GRIN2A: variants seen among roughly 807,000 people sequenced by gnomAD.
GRIN2A encodes the protein glutamate receptor ionotropic, NMDA 2A.
In GRIN2A, 22 loss-of-function variants were observed where a neutral mutation model predicts 113.4. That is an observed-to-expected ratio of 0.19 (90% CI 0.14 to 0.28). The LOEUF is 0.28. GRIN2A is among the 10% of genes least tolerant of loss of function. The pLI is 1.00. For missense variants in GRIN2A, 1,502 were observed against 1,887.0 expected, an observed-to-expected ratio of 0.80 and a Z score of 3.78; for synonymous variants, 827 against 738.4, an observed-to-expected ratio of 1.12 and a Z score of -1.94.
At chr16:10,014,931 A>G (rs837692) in intron 2 of GRIN2A, among the ~76,000 whole-genome samples, 86,811 of 151,970 alleles carry the variant, frequency 0.57, 25,081 homozygotes, top group Middle Eastern at 0.65. Context: ...AAGCAGGAGG[A>G]CATTAGAAGG....
chr16:10,145,063 T>G (rs1393686905), intron 2 of GRIN2A, among the ~76,000 whole-genome samples: 1 of 150,406 alleles, frequency 6.6e-6, no homozygotes, highest in African/African-American at 2.4e-5. Flanking sequence ...ACCATTCTGC[T>G]ATGTGAAATA....
chr16:9,943,895 A>G (rs763860870), intron 2 of GRIN2A, among the ~76,000 whole-genome samples: 1 of 152,202 alleles, frequency 6.6e-6, no homozygotes, highest in Non-Finnish European at 1.5e-5. Context: ...AAGCTGATTT[A>G]TTAGTTTTTC....
chr16:9,899,176 C>T (rs948046750), intron 3 of GRIN2A, among the ~76,000 whole-genome samples: 1 of 152,064 alleles, frequency 6.6e-6, no homozygotes, highest in African/African-American at 2.4e-5. Flanking sequence ...CGGTGGCTCG[C>T]ACCTGTAATC....
At position 10,180,117 on chromosome 16, in the gene GRIN2A, C is replaced by T. The variant is rs773569899; in HGVS notation, c.295G>A (p.Val99Met). ...LMSGARIHGL[V>M]FGDDTDQEAV... ...TCCTGGTCCGTGTCGTCCCCAAACA[C>T]GAGGCCGTGGATGCGTGCCCCGGAC... Residue 99 changes from valine to methionine, a missense_variant, in exon 2 of 13, where the codon GTG becomes ATG. This residue lies in a region of GRIN2A where 149 missense variants were observed against 179.1 expected (regional missense o/e 0.83). Coordinates refer to ENST00000330684, the MANE Select transcript of GRIN2A (RefSeq NM_001134407.3). The surrounding 1 kb of genome is among the most constrained non-coding windows in gnomAD (Gnocchi z 7.0). 4 of 1,614,102 alleles carry T rather than the reference C, an allele frequency of 2.5e-6. No homozygotes were observed. In the African/African-American group the frequency reaches 4.0e-5, roughly 16 times the overall value.
chr16:9,914,997 C>A (rs1384921632), intron 3 of GRIN2A, among the ~76,000 whole-genome samples: 1 of 125,972 alleles, frequency 7.9e-6, no homozygotes, highest in East Asian at 2.6e-4. Context: ...AGTGCAGTGG[C>A]GCGATCTCGT....
intron 2 of GRIN2A, among the ~76,000 whole-genome samples, chr16:9,953,495 T>C (rs900883574): frequency 1.3e-5 from 2 of 152,120 alleles, no homozygotes; most frequent in African/African-American, 2.4e-5. Flanking sequence ...GAAACCTCCC[T>C]GCAGGGAGTC....
chr16:10,130,775 T>C (rs952204076), intron 2 of GRIN2A, among the ~76,000 whole-genome samples: 3 of 152,166 alleles, frequency 2.0e-5, no homozygotes, highest in Admixed American at 6.6e-5. Flanking sequence ...ATGTCTTCAT[T>C]AAGGGAGTTC....
intron 11 of GRIN2A, among the ~76,000 whole-genome samples, chr16:9,783,904 G>A (rs1038092217): frequency 1.3e-5 from 2 of 152,150 alleles, no homozygotes; most frequent in African/African-American, 4.8e-5. Flanking sequence ...TCACTTTCAA[G>A]GGAGAGCTAA....
At chr16:9,915,753 T>G (rs2044236725) in intron 3 of GRIN2A, among the ~76,000 whole-genome samples, 1 of 152,242 alleles carries the variant, frequency 6.6e-6, no homozygotes. Flanking sequence ...CTCTGCAACT[T>G]GCTACTTATA....
At chr16:10,043,757 C>G (rs538350488) in intron 2 of GRIN2A, among the ~76,000 whole-genome samples, 3 of 152,060 alleles carry the variant, frequency 2.0e-5, no homozygotes, top group Non-Finnish European at 2.9e-5. Context: ...TTCTTAAGGT[C>G]AAACTCCTGT....
chr16:10,073,932 A>AC (rs1473934561), intron 2 of GRIN2A, among the ~76,000 whole-genome samples: 3 of 151,806 alleles, frequency 2.0e-5, no homozygotes, highest in Non-Finnish European at 2.9e-5. Flanking sequence ...AAAAAAAAAA[A>AC]AACGAAGTGA....
intron 2 of GRIN2A, among the ~76,000 whole-genome samples, chr16:10,113,597 G>A (rs914620285): frequency 2.0e-5 from 3 of 152,196 alleles, no homozygotes; most frequent in Admixed American, 6.5e-5. Context: ...TAAAAATTAT[G>A]CTTACAGAGA....
At chr16:9,787,427 C>G (rs1824217231) in intron 11 of GRIN2A, among the ~76,000 whole-genome samples, 1 of 152,194 alleles carries the variant, frequency 6.6e-6, no homozygotes, top group African/African-American at 2.4e-5. Context: ...TTCGGGTTAT[C>G]CCGCCCTATC....
At chr16:10,125,898 T>C (rs1285741862) in intron 2 of GRIN2A, among the ~76,000 whole-genome samples, 1 of 151,880 alleles carries the variant, frequency 6.6e-6, no homozygotes, top group African/African-American at 2.4e-5. Context: ...TCTCTCCCAC[T>C]CAGAGCAGAA....
intron 2 of GRIN2A, among the ~76,000 whole-genome samples, chr16:10,084,382 T>C (rs1257205495): frequency 2.0e-5 from 3 of 151,980 alleles, no homozygotes; most frequent in Non-Finnish European, 2.9e-5. Context: ...TATAAGTGAG[T>C]CTTCTCTCCG....
chr16:9,911,091 T>C lies in GRIN2A; in HGVS notation c.1008-19991A>G, dbSNP rs142721759. On this transcript the variant is annotated intron_variant, in intron 3 of 12. Transcript: ENST00000330684. ...CCCCAGAATTATCCAAAATAATGTATTCCTACTATGTGCCTGGCTAACAGC... is the reference window on the plus strand; with the variant it reads ...CCCCAGAATTATCCAAAATAATGTACTCCTACTATGTGCCTGGCTAACAGC... 3.8e-3 allele frequency among the ~76,000 whole-genome samples: 582 copies of C among 152,318 alleles called. 1 individual carries two copies. Among genetic ancestry groups the C allele is most frequent in the African/African-American group, 0.013 (552 of 41,572 alleles).
intron 2 of GRIN2A, among the ~76,000 whole-genome samples, chr16:10,142,995 T>A (rs2049358376): frequency 6.6e-6 from 1 of 152,278 alleles, no homozygotes; most frequent in African/African-American, 2.4e-5. Flanking sequence ...AAGCAACTCA[T>A]TATAGGAATT....
At chr16:9,775,277 G>GTGGTTCTGAGAAGCTGAGT (rs1360170175) in intron 11 of GRIN2A, among the ~76,000 whole-genome samples, 1 of 152,172 alleles carries the variant, frequency 6.6e-6, no homozygotes, top group Non-Finnish European at 1.5e-5. Context: ...GAGAGAGTAT[G>GTGGTTCTGAGAAGCTGAGT]TGGTTCTGAG....
chr16:10,104,954 A>G (rs892754240), intron 2 of GRIN2A, among the ~76,000 whole-genome samples: 1 of 152,206 alleles, frequency 6.6e-6, no homozygotes, highest in Non-Finnish European at 1.5e-5. Flanking sequence ...GAGGTGCTAA[A>G]TGTTACGAGA....
Sources: gnomAD v4.1 joint callset for allele counts (sites outside exome capture counted in the v4.1 genomes callset) on GRCh38, gnomAD v4.1.1 for gene constraint, gnomAD v4.1.1 regional missense constraint, Gnocchi (gnomAD v3.1) non-coding constraint, MANE v1.5 for transcripts, NCBI Gene and HGNC (gene_info 2026-07-23, HGNC 2026-07-21) for gene names.